NCKAP5: variants seen among roughly 807,000 people sequenced by gnomAD.
NCKAP5 encodes NCK associated protein 5.
Under a neutral mutation model 167.0 loss-of-function variants are expected in NCKAP5, and 92 were observed. That is an observed-to-expected ratio of 0.55 (90% confidence interval 0.47 to 0.66). The LOEUF (loss-of-function observed/expected upper bound fraction) is 0.66, where lower values mean the gene tolerates loss of function less well. Ranked by LOEUF, NCKAP5 falls within the 30% of genes least tolerant of loss-of-function variation. The pLI is 0.00. For missense variants in NCKAP5, 2,378 were observed against 2,315.0 expected (o/e 1.03, Z -0.56); for synonymous variants, 891 against 877.4 (o/e 1.02, Z -0.27).
intron 8 of NCKAP5, among the ~76,000 whole-genome samples, chr2:132,947,057 T>C (rs1697803616): frequency 6.6e-6 from 1 of 152,218 alleles, no homozygotes; most frequent in Non-Finnish European, 1.5e-5. Context: ...CATTTCTATT[T>C]AGAGGATCAG....
At chr2:133,072,393 CTG>C (rs1306282170) in intron 6 of NCKAP5, among the ~76,000 whole-genome samples, 21 of 152,288 alleles carry the variant, frequency 1.4e-4, no homozygotes, top group African/African-American at 4.8e-4. Context: ...CCAGGGAGCA[CTG>C]CTGTGCCTCT....
chr2:133,074,224 A>C (rs1432533839), intron 6 of NCKAP5, among the ~76,000 whole-genome samples: 3 of 152,200 alleles, frequency 2.0e-5, no homozygotes, highest in Non-Finnish European at 2.9e-5. Context: ...AATTCCTGAG[A>C]TGATGCAGAT....
chr2:132,984,931 G>T (rs2077247890), intron 7 of NCKAP5, among the ~76,000 whole-genome samples: 1 of 149,186 alleles, frequency 6.7e-6, no homozygotes, highest in South Asian at 2.2e-4. Flanking sequence ...CCAAGTATTT[G>T]CTCAAGCTGC....
chr2:133,006,880 C>T (rs1380604580), intron 6 of NCKAP5, among the ~76,000 whole-genome samples: 1 of 152,198 alleles, frequency 6.6e-6, no homozygotes, highest in East Asian at 1.9e-4. Flanking sequence ...ACAGTACTGG[C>T]CCATCTAGCC....
chr2:132,861,033 G>A (rs1378809358), intron 10 of NCKAP5, among the ~76,000 whole-genome samples: 2 of 152,082 alleles, frequency 1.3e-5, no homozygotes, highest in Non-Finnish European at 2.9e-5. Context: ...ATTTCTGATG[G>A]AGTTTTTCAT....
chr2:133,038,503 T>C (rs943006627), intron 6 of NCKAP5, among the ~76,000 whole-genome samples: 1 of 152,028 alleles, frequency 6.6e-6, no homozygotes, highest in Non-Finnish European at 1.5e-5. Context: ...AGGGTGGGGA[T>C]GGTTAACATG....
intron 3 of NCKAP5, among the ~76,000 whole-genome samples, chr2:133,454,065 T>A (rs1420641862): frequency 6.6e-6 from 1 of 152,086 alleles, no homozygotes; most frequent in East Asian, 1.9e-4. Flanking sequence ...GGACAGTATA[T>A]GTTCATTTTT....
In NCKAP5 at chr2:132,868,944, T is replaced by C; in HGVS notation, c.679A>G (p.Thr227Ala). Reference protein sequence around the residue: ...VANQVVQALLTQKDLREECVK... With the variant: ...VANQVVQALLAQKDLREECVK... Reference sequence around the variant, plus strand: ...GTCAGAAAGTGACCTACCTTTTGAGTAAGCAGAGCTTGAACAACTTGGTTG... The same window carrying C: ...GTCAGAAAGTGACCTACCTTTTGAGCAAGCAGAGCTTGAACAACTTGGTTG... The change falls in exon 10 of 20, where the codon ACT (threonine) becomes GCT (alanine). Residue 227 changes from threonine to alanine, a missense_variant. Physicochemically the swap from Thr to Ala is moderately conservative, Grantham distance 58. Coordinates refer to ENST00000409261, the MANE Select transcript of NCKAP5 (RefSeq NM_207363.3). 6.5e-7 allele frequency: 1 copy of C among 1,547,824 alleles called. No individual in the cohort carries two copies. The highest frequency in any genetic ancestry group is 8.7e-7 in the Non-Finnish European group (1 of 1,146,834).
intron 8 of NCKAP5, among the ~76,000 whole-genome samples, chr2:132,883,205 T>A (rs866062661): frequency 7.2e-6 from 1 of 139,648 alleles, no homozygotes; most frequent in Non-Finnish European, 1.6e-5. Flanking sequence ...CTGACTCAAA[T>A]ACACACACAC....
the NCKAP5 span, among the ~76,000 whole-genome samples, chr2:133,578,067 T>C: frequency 6.6e-6 from 1 of 152,136 alleles, no homozygotes; most frequent in Admixed American, 6.5e-5. Context: ...ATCTCAAAAA[T>C]AAGAGAAAGA....
At chr2:133,661,032 G>A in the NCKAP5 span, among the ~76,000 whole-genome samples, 1 of 151,756 alleles carries the variant, frequency 6.6e-6, no homozygotes, top group Non-Finnish European at 1.5e-5. Context: ...TCTTTCCTGA[G>A]CCTCAGGGGA....
intron 11 of NCKAP5, among the ~76,000 whole-genome samples, chr2:132,846,471 AT>A (rs1288649370): frequency 1.3e-5 from 2 of 151,908 alleles, no homozygotes; most frequent in Non-Finnish European, 2.9e-5. Context: ...CGCCCGGCTA[AT>A]TTTTGTATTT....
chr2:133,671,672 C>A, the NCKAP5 span, among the ~76,000 whole-genome samples: 1 of 152,040 alleles, frequency 6.6e-6, no homozygotes, highest in Non-Finnish European at 1.5e-5. Context: ...GACTCCATAA[C>A]TATAAGGAAT....
intron 19 of NCKAP5, among the ~76,000 whole-genome samples, chr2:132,714,461 G>A (rs1689162066): frequency 6.6e-6 from 1 of 152,130 alleles, no homozygotes; most frequent in Non-Finnish European, 1.5e-5. Context: ...GAGGCAAGGT[G>A]GGCATTATGT....
intron 5 of NCKAP5, among the ~76,000 whole-genome samples, chr2:133,138,468 A>G (rs1040451352): frequency 1.3e-5 from 2 of 152,240 alleles, no homozygotes; most frequent in African/African-American, 4.8e-5. Context: ...TACAGCAGAA[A>G]AAAAATAGGA....
intron 8 of NCKAP5, among the ~76,000 whole-genome samples, chr2:132,954,273 A>C (rs2076277110): frequency 6.6e-6 from 1 of 152,166 alleles, no homozygotes; most frequent in African/African-American, 2.4e-5. Context: ...GACCCTCTCA[A>C]TATTGTATCC....
chr2:133,371,990 A>G (rs976253634), intron 3 of NCKAP5, among the ~76,000 whole-genome samples: 5 of 152,226 alleles, frequency 3.3e-5, no homozygotes, highest in Non-Finnish European at 7.3e-5. Context: ...TGTAAGGGAT[A>G]ATATAGTTTA....
chr2:133,191,710 T>C (rs1054297745), intron 5 of NCKAP5, among the ~76,000 whole-genome samples: 39 of 152,076 alleles, frequency 2.6e-4, no homozygotes, highest in Admixed American at 3.3e-4. Flanking sequence ...TTGGTGGGAA[T>C]TGAACAATGA....
chr2:132,933,912 C>G (rs534903062), intron 8 of NCKAP5, among the ~76,000 whole-genome samples: 1 of 152,104 alleles, frequency 6.6e-6, no homozygotes, highest in Admixed American at 6.5e-5. Flanking sequence ...ACACAATCCC[C>G]GAAGAGCAGG....
Sources: gnomAD v4.1 joint callset for allele counts (sites outside exome capture counted in the v4.1 genomes callset) on GRCh38, gnomAD v4.1.1 for gene constraint, MANE v1.5 for transcripts, NCBI Gene and HGNC (gene_info 2026-07-23, HGNC 2026-07-21) for gene names.